The following AGPAT4 variants were observed in gnomAD, a reference collection of about 807,000 sequenced individuals.
The protein encoded by AGPAT4 is 1-acyl-sn-glycerol-3-phosphate acyltransferase delta.
In AGPAT4, 15 loss-of-function variants were observed where a neutral mutation model predicts 48.0. The observed-to-expected ratio is 0.31, with a 90% CI of 0.21 to 0.48. AGPAT4 has a LOEUF of 0.48. Among genes scored for constraint, AGPAT4 ranks in the 20% least tolerant of loss-of-function variants. The probability of loss-of-function intolerance (pLI) is 0.99; values close to 1 mark genes in which losing one functional copy is unlikely to be tolerated. For missense variants in AGPAT4, 314 were observed against 482.5 expected (o/e 0.65, Z 3.27); for synonymous variants, 178 against 198.7 (o/e 0.90, Z 0.88).
intron 1 of AGPAT4, among the ~76,000 whole-genome samples, chr6:161,263,648 C>G (rs1390528371): frequency 1.3e-5 from 2 of 152,074 alleles, no homozygotes; most frequent in Non-Finnish European, 2.9e-5. Flanking sequence ...GTCCTCTCCC[C>G]CGACCTCCTC....
chr6:161,203,071 T>C (rs1781278129), intron 2 of AGPAT4, among the ~76,000 whole-genome samples: 1 of 152,256 alleles, frequency 6.6e-6, no homozygotes, highest in Admixed American at 6.5e-5. Context: ...TTCAGAATCC[T>C]GACCCAACGA....
In AGPAT4 at chr6:161,235,281, C is replaced by T. The variant is rs1002387860; in HGVS notation, c.-89-2979G>A. On this transcript the variant is annotated intron_variant, in intron 1 of 8. Coordinates refer to ENST00000320285, the MANE Select transcript of AGPAT4 (RefSeq NM_020133.3). The surrounding 1 kb of genome is among the most constrained non-coding windows in gnomAD (Gnocchi z 6.2). The stretch of plus-strand genomic sequence containing the variant: ...CAGGGAGGCTATTGCTTTTTAATTT[C>T]GTGAAACTTAGGCGGATTCTCAAAT... 2.0e-5 allele frequency among the ~76,000 whole-genome samples: 3 copies of T among 152,114 alleles called. No homozygotes were observed. The highest frequency in any genetic ancestry group is 4.4e-5 in the Non-Finnish European group (3 of 68,020).
In AGPAT4 at chr6:161,153,422, C is replaced by T; in HGVS notation, c.588G>A (p.Gly196=). 1.2e-6 allele frequency: 2 copies of T among 1,612,018 alleles called. No homozygotes were observed. Among genetic ancestry groups the T allele is most frequent in the Non-Finnish European group, 1.7e-6 (2 of 1,179,190 alleles). Residue 196 remains glycine (G), a synonymous_variant, in exon 5 of 9, where the codon GGG becomes GGA. Coordinates refer to ENST00000320285, the MANE Select transcript of AGPAT4 (RefSeq NM_020133.3). Reference sequence around the variant, plus strand: ...ACAGGTGATGCTTGAGGCGAGGCAGCCCCTTGGCCCGGGCCACCTGCATGC... The same window carrying T: ...ACAGGTGATGCTTGAGGCGAGGCAGTCCCTTGGCCCGGGCCACCTGCATGC... The part of the protein sequence containing the change: ...EISMQVARAK[G]LPRLKHHLLP...
chr6:161,172,598 A>G (rs1006333462), intron 2 of AGPAT4, among the ~76,000 whole-genome samples: 1 of 152,166 alleles, frequency 6.6e-6, no homozygotes, highest in Non-Finnish European at 1.5e-5. Flanking sequence ...GGCTTCTTCA[A>G]TATCATATGG....
rs188812112 is a variant in AGPAT4, at chr6:161,212,166, T to A, written c.178+19870A>T. Reference sequence around the variant, plus strand: ...ATAAAAGGCTTATGGAAGCTGTATCTTATGGTCAAGATTAAAATTTTATAG... The same window carrying A: ...ATAAAAGGCTTATGGAAGCTGTATCATATGGTCAAGATTAAAATTTTATAG... On this transcript the variant is annotated intron_variant, in intron 2 of 8. Coordinates refer to ENST00000320285, the MANE Select transcript of AGPAT4 (RefSeq NM_020133.3). The surrounding 1 kb of genome is among the most constrained non-coding windows in gnomAD (Gnocchi z 6.1). 5.4e-4 allele frequency among the ~76,000 whole-genome samples: 83 copies of A among 152,318 alleles called. No individual in the cohort carries two copies. The highest frequency in any genetic ancestry group is 3.4e-3 in the Middle Eastern group (1 of 294).
At position 161,142,819 on chromosome 6, in the gene AGPAT4, G is replaced by A. The variant is rs780826942; in HGVS notation, c.844-3199C>T. On this transcript the variant is annotated intron_variant, in intron 7 of 8. Coordinates refer to ENST00000320285, the MANE Select transcript of AGPAT4 (RefSeq NM_020133.3). This position sits in a 1 kb window ranked among gnomAD's most constrained non-coding sequence, Gnocchi z 6.4. ...GCCCGCAGACACCACCCGAGTGCAC[G>A]GCCAGGACTTGCAAAGGACTTACCA... Among the ~76,000 whole-genome samples the A allele has an allele frequency of 7.2e-5, 11 of 152,166 alleles. No individual in the cohort carries two copies. Among genetic ancestry groups the A allele is most frequent in the Admixed American group, 1.3e-4 (2 of 15,276 alleles).
Position 161,150,671 on chromosome 6 carries a change from AC to A in AGPAT4, c.665-1383del, listed in dbSNP as rs1295539963. 2.6e-5 allele frequency among the ~76,000 whole-genome samples: 4 copies of A among 152,210 alleles called. No individual in the cohort carries two copies. In the East Asian group the frequency reaches 7.8e-4, roughly 30 times the overall value. ...GGGCCCGGAGTGCCCGAGACCACTC[AC>A]CCCCGCCTTGGGGCTGAAGGCGGGA... On this transcript the variant is annotated intron_variant, in intron 5 of 8. Coordinates refer to ENST00000320285, the MANE Select transcript of AGPAT4 (RefSeq NM_020133.3).
In AGPAT4 at chr6:161,166,723, C is replaced by T. The variant is rs117072647; in HGVS notation, c.179-306G>A. ...AGCCAGAATCCGTCAAGAATTCATG[C>T]CCTTGTGTTTACAGAGCTCTGAAAG... On this transcript the variant is annotated intron_variant, in intron 2 of 8. Transcript: ENST00000320285. This position sits in a 1 kb window ranked among gnomAD's most constrained non-coding sequence, Gnocchi z 6.7. Among the ~76,000 whole-genome samples the T allele has an allele frequency of 0.023, 3,430 of 152,258 alleles. 47 individuals are homozygous for T. The highest frequency in any genetic ancestry group is 0.031 in the Admixed American group (482 of 15,302).
At position 161,198,174 on chromosome 6, in the gene AGPAT4, A is replaced by G. The variant is rs922089979; in HGVS notation, c.179-31757T>C. 6.6e-6 allele frequency among the ~76,000 whole-genome samples: 1 copy of G among 152,210 alleles called. No individual in the cohort carries two copies. Among genetic ancestry groups the G allele is most frequent in the Non-Finnish European group, 1.5e-5 (1 of 68,040 alleles). On this transcript the variant is annotated intron_variant, in intron 2 of 8. Transcript: ENST00000320285. The surrounding 1 kb of genome is among the most constrained non-coding windows in gnomAD (Gnocchi z 4.3). ...TGTGTTTCTTATTCTCAATATTAAA[A>G]GTGGATATGCAAAAGATATTTATAT...
rs554312473 is a variant in AGPAT4 at position 161,218,630 on chromosome 6, G to A, written c.178+13406C>T. ...ACCGGGGCAGGATCCTCCGCTCCACGGCCCTAGCACAGTGTATCCACATCA... is the reference window on the plus strand; with the variant it reads ...ACCGGGGCAGGATCCTCCGCTCCACAGCCCTAGCACAGTGTATCCACATCA... On this transcript the variant is annotated intron_variant, in intron 2 of 8. Coordinates refer to ENST00000320285, the MANE Select transcript of AGPAT4 (RefSeq NM_020133.3). The surrounding 1 kb of genome is among the most constrained non-coding windows in gnomAD (Gnocchi z 4.7). 5.2e-4 allele frequency among the ~76,000 whole-genome samples: 79 copies of A among 152,260 alleles called. 1 individual carries two copies. Among genetic ancestry groups the A allele is most frequent in the African/African-American group, 1.7e-3 (69 of 41,562 alleles).
In AGPAT4 at chr6:161,219,166, T is replaced by A. The variant is rs1781733647; in HGVS notation, c.178+12870A>T. Among the ~76,000 whole-genome samples, 2 of 152,186 alleles carry A rather than the reference T, an allele frequency of 1.3e-5. No homozygotes were observed. The highest frequency in any genetic ancestry group is 4.8e-5 in the African/African-American group (2 of 41,450). On this transcript the variant is annotated intron_variant, in intron 2 of 8. Coordinates refer to ENST00000320285, the MANE Select transcript of AGPAT4 (RefSeq NM_020133.3). This position sits in a 1 kb window ranked among gnomAD's most constrained non-coding sequence, Gnocchi z 4.9. ...AAAACTATTTCCCCCTTACTTTAAG[T>A]GTGCTATATAAATTCTATCTCCAGT... is the stretch of plus-strand genomic sequence containing the variant.
Position 161,153,690 on chromosome 6 carries a change from C to T in AGPAT4, c.511-191G>A, listed in dbSNP as rs546865960. On this transcript the variant is annotated intron_variant, in intron 4 of 8. Transcript: ENST00000320285. ...TCACATACAGCCCTGGGGTCACACA[C>T]AGCCCTGGTGTCATGCCTGGCCCTG... Among the ~76,000 whole-genome samples the T allele has an allele frequency of 6.8e-5, 10 of 146,426 alleles. No homozygotes were observed. In the South Asian group the frequency reaches 1.3e-3, roughly 19 times the overall value.
In AGPAT4 at chr6:161,165,681, C is replaced by T; in HGVS notation, c.348+567G>A. The T allele has an allele frequency of 8.0e-7, 1 of 1,254,492 alleles. No homozygotes were observed. The highest frequency in any genetic ancestry group is 1.5e-5 in the African/African-American group (1 of 64,696). The allele number at this position is 1,254,492 out of a possible 1,614,324, so 77.7% of individuals were successfully genotyped here. On this transcript the variant is annotated intron_variant, in intron 3 of 8. Transcript: ENST00000320285. This position sits in a 1 kb window ranked among gnomAD's most constrained non-coding sequence, Gnocchi z 5.5. ...AAAGTCAACTGAAGAGACCCAGTTC[C>T]AAAGGCATGCAAGCTACGTGCAAGA... is the stretch of plus-strand genomic sequence containing the variant.
rs1473367698 is a variant in AGPAT4, at chr6:161,139,643, C to G, written c.844-23G>C. 3 of 1,574,280 alleles carry G rather than the reference C, an allele frequency of 1.9e-6. No homozygotes were observed. Among genetic ancestry groups the G allele is most frequent in the Non-Finnish European group, 1.7e-6 (2 of 1,154,570 alleles). ...ATCCTGGGGGACAGGAAAGAGGACC[C>G]TCAGACGCCACACGGGGCTCGGTGG... On this transcript the variant is annotated intron_variant, in intron 7 of 8. Coordinates refer to ENST00000320285, the MANE Select transcript of AGPAT4 (RefSeq NM_020133.3). This position sits in a 1 kb window ranked among gnomAD's most constrained non-coding sequence, Gnocchi z 9.1.
At chr6:161,273,658 A>T (rs1562366925) in intron 1 of AGPAT4, among the ~76,000 whole-genome samples, 1 of 152,042 alleles carries the variant, frequency 6.6e-6, no homozygotes, top group African/African-American at 2.4e-5. Context: ...GAAGCCAGGA[A>T]CAGCAGCTTG....
chr6:161,268,237 CAT>C (rs2114762452), intron 1 of AGPAT4, among the ~76,000 whole-genome samples: 1 of 152,346 alleles, frequency 6.6e-6, no homozygotes, highest in Non-Finnish European at 1.5e-5. Flanking sequence ...ATCATTCTTG[CAT>C]ATCCTGTAAG....
At position 161,238,019 on chromosome 6, in the gene AGPAT4, C is replaced by T. The variant is rs1246951897; in HGVS notation, c.-89-5717G>A. On this transcript the variant is annotated intron_variant, in intron 1 of 8. Transcript: ENST00000320285. This position sits in a 1 kb window ranked among gnomAD's most constrained non-coding sequence, Gnocchi z 5.2. Reference sequence around the variant, plus strand: ...GAAATTCTGAAATGTGCAGGCAACGCGAGACCACCTGGAAGCCAAGCACTG... The same window carrying T: ...GAAATTCTGAAATGTGCAGGCAACGTGAGACCACCTGGAAGCCAAGCACTG... Among the ~76,000 whole-genome samples the T allele has an allele frequency of 2.1e-5, 3 of 142,482 alleles. No individual in the cohort carries two copies. The highest frequency in any genetic ancestry group is 3.0e-5 in the Non-Finnish European group (2 of 67,228). The allele number at this position is 142,482 out of a possible 152,430, so 93.5% of individuals were successfully genotyped here. A position where few individuals can be genotyped will look rare whatever the true frequency, so the allele number is the denominator to read the frequency against.
chr6:161,164,399 G>A lies in AGPAT4; in HGVS notation c.348+1849C>T, dbSNP rs1259051976. On this transcript the variant is annotated intron_variant, in intron 3 of 8. Transcript: ENST00000320285. This position sits in a 1 kb window ranked among gnomAD's most constrained non-coding sequence, Gnocchi z 7.4. ...CCATCCCCAACCCCATGAAGGTGCG[G>A]GTGACTTGCACCCCTCGAATGAGGC... Among the ~76,000 whole-genome samples, 1 of 152,180 alleles carries A rather than the reference G, an allele frequency of 6.6e-6. No homozygotes were observed. Among genetic ancestry groups the A allele is most frequent in the Non-Finnish European group, 1.5e-5 (1 of 68,036 alleles).
chr6:161,272,787 G>A lies in AGPAT4; in HGVS notation c.-90+1151C>T, dbSNP rs551290193. On this transcript the variant is annotated intron_variant, in intron 1 of 8. Coordinates refer to ENST00000320285, the MANE Select transcript of AGPAT4 (RefSeq NM_020133.3). This position sits in a 1 kb window ranked among gnomAD's most constrained non-coding sequence, Gnocchi z 4.2. ...ACTTTTTTTCCAACTGAGAGTCGTT[G>A]ACTAATCACAGATGAGTTAATCCTT... Among the ~76,000 whole-genome samples the A allele has an allele frequency of 1.3e-5, 2 of 151,848 alleles. No homozygotes were observed. The highest frequency in any genetic ancestry group is 3.9e-4 in the East Asian group (2 of 5,170).
Sources: allele counts gnomAD v4.1 joint callset (sites outside exome capture counted in the v4.1 genomes callset), GRCh38; gene constraint gnomAD v4.1.1; non-coding constraint Gnocchi (gnomAD v3.1); transcripts MANE v1.5; gene names NCBI Gene and HGNC (gene_info 2026-07-23, HGNC 2026-07-21).